GPR176: variants seen among roughly 807,000 people sequenced by gnomAD.
GPR176 encodes G protein-coupled receptor 176, also known as G-protein coupled receptor 176.
GPR176 carries 26 observed loss-of-function variants against 35.4 expected under a neutral mutation model. The ratio of observed to expected loss-of-function variants is 0.74; its 90% CI spans 0.54 to 1.02. The LOEUF (loss-of-function observed/expected upper bound fraction) is 1.02, where lower values mean the gene tolerates loss of function less well. Among genes scored for constraint, GPR176 ranks in the 50% least tolerant of loss-of-function variants. GPR176 has a pLI of 0.00. For synonymous variants in GPR176, 278 were observed against 271.3 expected (o/e 1.02, Z -0.24); for missense variants, 597 against 665.3 (o/e 0.90, Z 1.13).
chr15:39,806,216 C>T (rs1401214545), intron 2 of GPR176, among the ~76,000 whole-genome samples: 2 of 152,222 alleles, frequency 1.3e-5, no homozygotes, highest in Admixed American at 1.3e-4. Context: ...TGCACTTTCC[C>T]TTCAGCAACG....
intron 1 of GPR176, among the ~76,000 whole-genome samples, chr15:39,896,316 A>G (rs2033112004): frequency 6.6e-6 from 1 of 152,212 alleles, no homozygotes; most frequent in African/African-American, 2.4e-5. Flanking sequence ...TCCTGGCCTC[A>G]AGCCATCATC....
intron 1 of GPR176, among the ~76,000 whole-genome samples, chr15:39,906,704 T>C (rs1026050261): frequency 6.6e-6 from 1 of 152,234 alleles, no homozygotes; most frequent in African/African-American, 2.4e-5. Context: ...AGCACCACTT[T>C]AGTTCACTGG....
intron 1 of GPR176, among the ~76,000 whole-genome samples, chr15:39,821,355 A>G (rs902573657): frequency 9.9e-5 from 15 of 152,234 alleles, no homozygotes; most frequent in Admixed American, 1.3e-4. Context: ...TGGCTTTCAC[A>G]GTGCAATCAA....
intron 1 of GPR176, among the ~76,000 whole-genome samples, chr15:39,835,831 T>C (rs1595464627): frequency 1.3e-5 from 2 of 152,320 alleles, no homozygotes; most frequent in East Asian, 1.9e-4. Context: ...TGGTGGCTCA[T>C]GCCTGTAATC....
intron 1 of GPR176, among the ~76,000 whole-genome samples, chr15:39,915,840 A>T (rs142815208): frequency 0.019 from 2,837 of 152,344 alleles, 80 homozygotes; most frequent in African/African-American, 0.065. Flanking sequence ...AGATTGTGCC[A>T]CTGCACGCCA....
At chr15:39,872,476 C>T (rs1305811935) in intron 1 of GPR176, among the ~76,000 whole-genome samples, 1 of 152,186 alleles carries the variant, frequency 6.6e-6, no homozygotes, top group Non-Finnish European at 1.5e-5. Context: ...AATAGACCAA[C>T]TTTATCCTCT....
At chr15:39,865,092 A>G (rs776798762) in intron 1 of GPR176, among the ~76,000 whole-genome samples, 1 of 152,160 alleles carries the variant, frequency 6.6e-6, no homozygotes, top group Non-Finnish European at 1.5e-5. Context: ...ACTCTTATAC[A>G]CTATTGATGG....
chr15:39,868,572 C>A (rs2031918557), intron 1 of GPR176, among the ~76,000 whole-genome samples: 1 of 152,156 alleles, frequency 6.6e-6, no homozygotes, highest in Non-Finnish European at 1.5e-5. Context: ...AAAGACAAAC[C>A]AATGCTTTAT....
chr15:39,891,482 T>C (rs1210930106), intron 1 of GPR176, among the ~76,000 whole-genome samples: 1 of 152,102 alleles, frequency 6.6e-6, no homozygotes, highest in South Asian at 2.1e-4. Context: ...GCCTTCCAAG[T>C]AGCTGAGACT....
At chr15:39,894,274 C>A in intron 1 of GPR176, among the ~76,000 whole-genome samples, 1 of 114,128 alleles carries the variant, frequency 8.8e-6, no homozygotes, top group East Asian at 3.1e-4. Context: ...ACCCCCCCAC[C>A]TCCCTCCCGG....
chr15:39,846,973 T>C (rs1023742817), intron 1 of GPR176, among the ~76,000 whole-genome samples: 4 of 147,528 alleles, frequency 2.7e-5, no homozygotes, highest in African/African-American at 4.9e-5. Flanking sequence ...TAAATGCAGA[T>C]AGAGGAAATA....
chr15:39,802,480 C>A (rs930964573), intron 2 of GPR176, among the ~76,000 whole-genome samples: 1 of 152,202 alleles, frequency 6.6e-6, no homozygotes, highest in Non-Finnish European at 1.5e-5. Flanking sequence ...TCCAAAGGAG[C>A]AGCAAACCTG....
At chr15:39,829,172 GC>G (rs1216751251) in intron 1 of GPR176, 4 of 1,532,610 alleles carry the variant, frequency 2.6e-6, no homozygotes, top group Non-Finnish European at 3.5e-6. Flanking sequence ...ACGTCACACT[GC>G]CTTCTCATGA....
intron 1 of GPR176, among the ~76,000 whole-genome samples, chr15:39,850,835 T>G (rs2030812750): frequency 6.6e-6 from 1 of 151,372 alleles, no homozygotes; most frequent in Non-Finnish European, 1.5e-5. Flanking sequence ...CTGTCAGCTG[T>G]GGGGAGAATG....
At chr15:39,875,600 C>CA (rs2032212322) in intron 1 of GPR176, among the ~76,000 whole-genome samples, 1 of 152,172 alleles carries the variant, frequency 6.6e-6, no homozygotes, top group Non-Finnish European at 1.5e-5. Context: ...AGTCAGCAAA[C>CA]AGATTCTTAT....
At chr15:39,830,641 ACT>A (rs1901010825) in intron 1 of GPR176, among the ~76,000 whole-genome samples, 1 of 152,186 alleles carries the variant, frequency 6.6e-6, no homozygotes, top group Non-Finnish European at 1.5e-5. Context: ...AATTAAAGTG[ACT>A]CTACTCTGTG....
chr15:39,888,743 T>C (rs532339696), intron 1 of GPR176, among the ~76,000 whole-genome samples: 2 of 152,324 alleles, frequency 1.3e-5, no homozygotes, highest in Admixed American at 1.3e-4. Context: ...TCAATCCCTT[T>C]CCTACCCATC....
intron 1 of GPR176, among the ~76,000 whole-genome samples, chr15:39,809,503 C>G (rs1899403398): frequency 1.3e-5 from 2 of 152,126 alleles, no homozygotes; most frequent in South Asian, 2.1e-4. Flanking sequence ...CAAGGCATAC[C>G]AAGTAAGGAT....
chr15:39,804,724 G>GTA (rs938138298), intron 2 of GPR176, among the ~76,000 whole-genome samples: 4 of 151,784 alleles, frequency 2.6e-5, no homozygotes, highest in Admixed American at 2.6e-4. Flanking sequence ...AACAAATTTA[G>GTA]TATACTCCTA....
Sources: gnomAD v4.1 joint callset for allele counts (sites outside exome capture counted in the v4.1 genomes callset) on GRCh38, gnomAD v4.1.1 for gene constraint, MANE v1.5 for transcripts, NCBI Gene and HGNC (gene_info 2026-07-23, HGNC 2026-07-21) for gene names.